SOCS6: variants seen among roughly 807,000 people sequenced by gnomAD.
SOCS6 encodes suppressor of cytokine signaling 6.
SOCS6 carries 5 observed loss-of-function variants against 27.7 expected under a neutral mutation model. That is an observed-to-expected ratio of 0.18 (90% CI 0.09 to 0.38). The LOEUF is 0.38. Among genes scored for constraint, SOCS6 ranks in the 10% least tolerant of loss-of-function variants. The pLI is 1.00. For synonymous variants in SOCS6, 271 were observed against 260.0 expected (o/e 1.04, Z -0.41); for missense variants, 595 against 688.1 (o/e 0.86, Z 1.51).
intron 1 of SOCS6, among the ~76,000 whole-genome samples, chr18:70,317,708 A>G (rs886204776): frequency 2.0e-5 from 3 of 151,144 alleles, no homozygotes; most frequent in Admixed American, 6.6e-5. Flanking sequence ...GTAGATACCT[A>G]GTAGTGGGAT....
intron 1 of SOCS6, among the ~76,000 whole-genome samples, chr18:70,314,678 CATCTAT>C (rs2062404466): frequency 6.6e-6 from 1 of 152,186 alleles, no homozygotes; most frequent in Non-Finnish European, 1.5e-5. Flanking sequence ...TGTTCAGCTG[CATCTAT>C]TGAATTTTCA....
Position 70,324,610 on chromosome 18 carries a change from G to A in SOCS6, c.-59G>A, listed in dbSNP as rs1568605275. On this transcript the variant is annotated 5_prime_UTR_variant, in exon 2 of 2. The change abolishes an upstream ATG in the 5' untranslated region. Coordinates refer to ENST00000397942, the MANE Select transcript of SOCS6 (RefSeq NM_004232.4). ...ATGCAGCCTTGCAGCCTCTCCAGAT[G>A]TTTGGGGATAATATTCCAGATAGAA... 1.7e-6 allele frequency: 2 copies of A among 1,195,902 alleles called. No homozygotes were observed. The highest frequency in any genetic ancestry group is 2.4e-6 in the Non-Finnish European group (2 of 842,230). The allele number at this position is 1,195,902 out of a possible 1,614,324, so 74.1% of individuals were successfully genotyped here. A position where few individuals can be genotyped will look rare whatever the true frequency, so the allele number is the denominator to read the frequency against.
Position 70,309,252 on chromosome 18 carries a change from TA to T in SOCS6, c.-126-15284del, listed in dbSNP as rs1036371329. ...TTTTTGTTTTTTTATCATTAAATAA[TA>T]AAAAAACTTTTTAGCTTATGAAATA... On this transcript the variant is annotated intron_variant, in intron 1 of 1. Coordinates refer to ENST00000397942, the MANE Select transcript of SOCS6 (RefSeq NM_004232.4). 2.0e-5 allele frequency among the ~76,000 whole-genome samples: 3 copies of T among 152,242 alleles called. No individual in the cohort carries two copies. In the East Asian group the frequency reaches 5.8e-4, roughly 29 times the overall value.
At chr18:70,317,554 TACACACACACACACAC>T (rs369682234) in intron 1 of SOCS6, among the ~76,000 whole-genome samples, 1 of 139,070 alleles carries the variant, frequency 7.2e-6, no homozygotes, top group Non-Finnish European at 1.5e-5. Context: ...CATATATACA[TACACACACACACACAC>T]ACACACACAC....
chr18:70,303,954 A>C lies in SOCS6; in HGVS notation c.-127+14864A>C, dbSNP rs147739968. ...TTAATATTTTTCCATAAATGTGTTG[A>C]GTGAATTGGTTGTATGTGTGGAAAA... is the stretch of plus-strand genomic sequence containing the variant. On this transcript the variant is annotated intron_variant, in intron 1 of 1. Coordinates refer to ENST00000397942, the MANE Select transcript of SOCS6 (RefSeq NM_004232.4). Among the ~76,000 whole-genome samples, 209 of 152,330 alleles carry C rather than the reference A, an allele frequency of 1.4e-3. 2 individuals carry two copies. In the East Asian group the frequency reaches 0.029, roughly 21 times the overall value.
At chr18:70,312,497 T>A (rs1185932015) in intron 1 of SOCS6, among the ~76,000 whole-genome samples, 1 of 152,208 alleles carries the variant, frequency 6.6e-6, no homozygotes, top group South Asian at 2.1e-4. Context: ...TTTTACCAAT[T>A]TACTTCAATC....
Position 70,305,372 on chromosome 18 carries a change from C to T in SOCS6, c.-127+16282C>T, listed in dbSNP as rs567535685. 3.9e-5 allele frequency among the ~76,000 whole-genome samples: 6 copies of T among 152,316 alleles called. No individual in the cohort carries two copies. The East Asian group carries it at 5.8e-4, about 15-fold the overall frequency. ...GTCAAGAAGACTTTCCTCATTGACT[C>T]GTCTTGGGACGTTTCTTGAAAATCA... On this transcript the variant is annotated intron_variant, in intron 1 of 1. Transcript: ENST00000397942.
At chr18:70,322,482 C>T (rs1911027284) in intron 1 of SOCS6, among the ~76,000 whole-genome samples, 1 of 152,010 alleles carries the variant, frequency 6.6e-6, no homozygotes, top group South Asian at 2.1e-4. Flanking sequence ...GTACTTTTAC[C>T]GTGGTTGCTA....
At chr18:70,319,748 C>T (rs1910906507) in intron 1 of SOCS6, among the ~76,000 whole-genome samples, 1 of 151,934 alleles carries the variant, frequency 6.6e-6, no homozygotes, top group Non-Finnish European at 1.5e-5. Flanking sequence ...ATTTCAAAGA[C>T]ACTTTCCAGT....
At position 70,325,479 on chromosome 18, in the gene SOCS6, C is replaced by G. The variant is rs763007950; in HGVS notation, c.811C>G (p.Gln271Glu). 11 of 1,614,124 alleles carry G rather than the reference C, an allele frequency of 6.8e-6. No individual in the cohort carries two copies. In the South Asian group the frequency reaches 8.8e-5, roughly 13 times the overall value. ...AFPEDESQVD[Q>E]DLVVAPEIFV... Reference sequence around the variant, plus strand: ...CCCCGAGGATGAGAGTCAGGTAGACCAGGACCTAGTTGTCGCCCCAGAGAT... The same window carrying G: ...CCCCGAGGATGAGAGTCAGGTAGACGAGGACCTAGTTGTCGCCCCAGAGAT... Residue 271 changes from glutamine to glutamate, a missense_variant, in exon 2 of 2, where the codon CAG (glutamine) becomes GAG (glutamate). Transcript: ENST00000397942. The surrounding 1 kb of genome is among the most constrained non-coding windows in gnomAD (Gnocchi z 6.3).
intron 1 of SOCS6, among the ~76,000 whole-genome samples, chr18:70,294,909 A>C (rs2062316731): frequency 6.6e-6 from 1 of 152,260 alleles, no homozygotes; most frequent in Non-Finnish European, 1.5e-5. Context: ...TAAAATTGTT[A>C]AAAGGGCATC....
At chr18:70,322,142 A>G (rs1911015750) in intron 1 of SOCS6, among the ~76,000 whole-genome samples, 1 of 152,216 alleles carries the variant, frequency 6.6e-6, no homozygotes, top group Non-Finnish European at 1.5e-5. Flanking sequence ...ATTTTCAAGT[A>G]TATGTATAAA....
At position 70,325,090 on chromosome 18, in the gene SOCS6, C is replaced by T; in HGVS notation, c.422C>T (p.Pro141Leu). ...AGTCCCGCGCCGTGGCCTCTGCGGC[C>T]CACAAACTCCGAGGAGACCTGCATC... ...HYSPAPWPLR[P>L]TNSEETCIKM... Residue 141 changes from proline (P) to leucine (L), a missense_variant, in exon 2 of 2, where the codon CCC becomes CTC. Coordinates refer to ENST00000397942, the MANE Select transcript of SOCS6 (RefSeq NM_004232.4). The surrounding 1 kb of genome is among the most constrained non-coding windows in gnomAD (Gnocchi z 6.3). 1 of 1,614,098 alleles carries T rather than the reference C, an allele frequency of 6.2e-7. No homozygotes were observed. Among genetic ancestry groups the T allele is most frequent in the Non-Finnish European group, 8.5e-7 (1 of 1,180,032 alleles).
intron 1 of SOCS6, among the ~76,000 whole-genome samples, chr18:70,304,325 T>C (rs1243058284): frequency 6.6e-6 from 1 of 152,186 alleles, no homozygotes; most frequent in Non-Finnish European, 1.5e-5. Context: ...TGATAAATTT[T>C]TTTGTTCTCT....
In SOCS6 at chr18:70,329,033, A is replaced by T. The variant is rs1346393328; in HGVS notation, c.*2757A>T. 6.0e-6 allele frequency: 1 copy of T among 167,118 alleles called. No individual in the cohort carries two copies. Among genetic ancestry groups the T allele is most frequent in the Non-Finnish European group, 1.5e-5 (1 of 68,116 alleles). The allele number at this position is 167,118 out of a possible 1,614,324, so 10.4% of individuals were successfully genotyped here. A position where few individuals can be genotyped will look rare whatever the true frequency, so the allele number is the denominator to read the frequency against. ...TGTATCCATTTGCCATAATAGATGA[A>T]TCAGAATTGTTTTCTATTAAATATT... On this transcript the variant is annotated 3_prime_UTR_variant, in exon 2 of 2. Coordinates refer to ENST00000397942, the MANE Select transcript of SOCS6 (RefSeq NM_004232.4).
At chr18:70,299,783 A>G (rs148459604) in intron 1 of SOCS6, among the ~76,000 whole-genome samples, 1,780 of 152,382 alleles carry the variant, frequency 0.012, 22 homozygotes, top group Non-Finnish European at 0.019. Context: ...AATATGTCTT[A>G]TATCACATTT....
At chr18:70,305,383 G>A (rs923211229) in intron 1 of SOCS6, among the ~76,000 whole-genome samples, 5 of 152,176 alleles carry the variant, frequency 3.3e-5, no homozygotes, top group African/African-American at 7.2e-5. Context: ...GTCTTGGGAC[G>A]TTTCTTGAAA....
intron 1 of SOCS6, among the ~76,000 whole-genome samples, chr18:70,309,494 T>G (rs1291975884): frequency 6.6e-6 from 1 of 152,164 alleles, no homozygotes. Flanking sequence ...GTGTGCCAAT[T>G]TAATTCCTCT....
intron 1 of SOCS6, among the ~76,000 whole-genome samples, chr18:70,295,640 AT>A (rs942658371): frequency 6.6e-6 from 1 of 152,272 alleles, no homozygotes; most frequent in Non-Finnish European, 1.5e-5. Flanking sequence ...ATTGCCAAAT[AT>A]CACAGACTGG....
Sources: gnomAD v4.1 joint callset for allele counts (sites outside exome capture counted in the v4.1 genomes callset) on GRCh38, gnomAD v4.1.1 for gene constraint, Gnocchi (gnomAD v3.1) non-coding constraint, MANE v1.5 for transcripts, NCBI Gene and HGNC (gene_info 2026-07-23, HGNC 2026-07-21) for gene names.